The following CAMK4 variants were observed in gnomAD, a reference collection of about 807,000 sequenced individuals.
CAMK4 encodes the protein calcium/calmodulin-dependent protein kinase type IV.
A neutral mutation model predicts 44.9 loss-of-function variants in CAMK4; 22 were observed. The ratio of observed to expected loss-of-function variants is 0.49; its 90% CI spans 0.35 to 0.70. The LOEUF (loss-of-function observed/expected upper bound fraction) is 0.70, where lower values mean the gene tolerates loss of function less well. CAMK4 is among the 30% of genes least tolerant of loss of function. CAMK4 has a pLI of 0.01. For synonymous variants in CAMK4, 218 were observed against 215.4 expected (o/e 1.01, Z -0.11); for missense variants, 498 against 586.8 (o/e 0.85, Z 1.56).
intron 1 of CAMK4, among the ~76,000 whole-genome samples, chr5:111,313,945 AT>A (rs764859903): frequency 3.3e-5 from 5 of 152,084 alleles, no homozygotes; most frequent in Non-Finnish European, 5.9e-5. Context: ...TTTTGCAATA[AT>A]TTGTATGGGT....
chr5:111,287,836 A>G (rs1751301581), intron 1 of CAMK4, among the ~76,000 whole-genome samples: 1 of 152,214 alleles, frequency 6.6e-6, no homozygotes, highest in East Asian at 1.9e-4. Flanking sequence ...TGTATAAAAT[A>G]TAGATATGCT....
intron 5 of CAMK4, among the ~76,000 whole-genome samples, chr5:111,431,820 C>T (rs1055477840): frequency 3.3e-5 from 5 of 152,158 alleles, no homozygotes; most frequent in African/African-American, 9.7e-5. Context: ...GATATCATCT[C>T]ACCCAGTTAA....
intron 4 of CAMK4, among the ~76,000 whole-genome samples, chr5:111,390,043 T>C (rs1237763006): frequency 6.6e-6 from 1 of 152,222 alleles, no homozygotes; most frequent in African/African-American, 2.4e-5. Flanking sequence ...TAAATTTTTA[T>C]AAGTAGACCA....
At chr5:111,365,684 C>T (rs1024831590) in intron 2 of CAMK4, among the ~76,000 whole-genome samples, 1 of 151,936 alleles carries the variant, frequency 6.6e-6, no homozygotes, top group African/African-American at 2.4e-5. Context: ...ATCCTGCTTC[C>T]AGGTCTTGGG....
intron 5 of CAMK4, among the ~76,000 whole-genome samples, chr5:111,403,083 CAGAA>C (rs1305607411): frequency 6.6e-6 from 1 of 152,172 alleles, no homozygotes; most frequent in South Asian, 2.1e-4. Context: ...TTAAACATAA[CAGAA>C]AGAGCATACT....
At chr5:111,309,378 A>G (rs2112666026) in intron 1 of CAMK4, among the ~76,000 whole-genome samples, 1 of 152,180 alleles carries the variant, frequency 6.6e-6, no homozygotes, top group Non-Finnish European at 1.5e-5. Flanking sequence ...TGTGGTGGGA[A>G]CCTTTCAGGT....
chr5:111,351,567 G>A (rs544659133), intron 2 of CAMK4, among the ~76,000 whole-genome samples: 57 of 151,400 alleles, frequency 3.8e-4, no homozygotes, highest in Middle Eastern at 6.8e-3. Context: ...CACCACACCC[G>A]GCTAATTTTT....
intron 1 of CAMK4, among the ~76,000 whole-genome samples, chr5:111,320,115 T>A (rs913966110): frequency 2.0e-5 from 3 of 152,088 alleles, no homozygotes; most frequent in Non-Finnish European, 2.9e-5. Context: ...GGAGGTGATG[T>A]AAACAAAAAG....
At chr5:111,276,285 C>CTGGTTT (rs759416059) in intron 1 of CAMK4, among the ~76,000 whole-genome samples, 4 of 152,130 alleles carry the variant, frequency 2.6e-5, no homozygotes, top group Admixed American at 6.5e-5. Flanking sequence ...TTGGAGCACA[C>CTGGTTT]TGGTATTCAA....
chr5:111,225,533 G>C (rs1748148011), intron 1 of CAMK4, among the ~76,000 whole-genome samples: 1 of 152,002 alleles, frequency 6.6e-6, no homozygotes, highest in Non-Finnish European at 1.5e-5. Context: ...TTTAGATCCA[G>C]GCTCTTTAGT....
intron 7 of CAMK4, among the ~76,000 whole-genome samples, chr5:111,453,684 G>A (rs1261940538): frequency 6.6e-6 from 1 of 152,188 alleles, no homozygotes. Flanking sequence ...ATATCCTAGA[G>A]ACAGGAGGCA....
intron 1 of CAMK4, chr5:111,277,648 T>A (rs1750823322): frequency 6.6e-6 from 1 of 152,140 alleles, no homozygotes; most frequent in Non-Finnish European, 1.5e-5. Flanking sequence ...AAAAATAAAT[T>A]ATGAATTTTA....
intron 5 of CAMK4, among the ~76,000 whole-genome samples, chr5:111,418,749 A>G (rs1174257031): frequency 6.6e-6 from 1 of 152,106 alleles, no homozygotes; most frequent in Non-Finnish European, 1.5e-5. Flanking sequence ...AGTTTCATCC[A>G]TGTCCCTACA....
chr5:111,253,573 G>A lies in CAMK4; in HGVS notation c.161+28929G>A, dbSNP rs7704688. 8.5e-3 allele frequency among the ~76,000 whole-genome samples: 1,288 copies of A among 152,310 alleles called. 19 individuals are homozygous for A. Among genetic ancestry groups the A allele is most frequent in the African/African-American group, 0.03 (1,235 of 41,568 alleles). ...TATCAAAATAGCTGACAGCTTCCAT[G>A]TTGAGAAAAATGAAAGACAATTTTT... On this transcript the variant is annotated intron_variant, in intron 1 of 10. Coordinates refer to ENST00000282356, the MANE Select transcript of CAMK4 (RefSeq NM_001744.6).
Position 111,438,801 on chromosome 5 carries a change from A to C in CAMK4, c.460-7885A>C, listed in dbSNP as rs555955294. On this transcript the variant is annotated intron_variant, in intron 5 of 10. Coordinates refer to ENST00000282356, the MANE Select transcript of CAMK4 (RefSeq NM_001744.6). Reference sequence around the variant, plus strand: ...TGCCCAGCTCCCTTTTAAACTTTAAAGCAAAATTACAGACTGCAGTATTTT... The same window carrying C: ...TGCCCAGCTCCCTTTTAAACTTTAACGCAAAATTACAGACTGCAGTATTTT... Among the ~76,000 whole-genome samples, 49 of 152,362 alleles carry C rather than the reference A, an allele frequency of 3.2e-4. 1 individual carries two copies. The South Asian group carries it at 0.01, about 32-fold the overall frequency.
chr5:111,335,328 A>C (rs911503784), intron 1 of CAMK4, among the ~76,000 whole-genome samples: 1 of 151,400 alleles, frequency 6.6e-6, no homozygotes, highest in African/African-American at 2.4e-5. Context: ...AAATATTAAT[A>C]TGAACCCAGA....
At chr5:111,332,051 TCA>T (rs1283928563) in intron 1 of CAMK4, among the ~76,000 whole-genome samples, 1 of 151,644 alleles carries the variant, frequency 6.6e-6, no homozygotes, top group African/African-American at 2.4e-5. Flanking sequence ...TAAATATTGC[TCA>T]CACCCACACA....
chr5:111,479,909 C>T (rs968497425), intron 9 of CAMK4, among the ~76,000 whole-genome samples: 5 of 152,128 alleles, frequency 3.3e-5, no homozygotes, highest in African/African-American at 1.2e-4. Flanking sequence ...CCTATCTGAC[C>T]TCCCTGCCTC....
intron 1 of CAMK4, among the ~76,000 whole-genome samples, chr5:111,316,341 A>C (rs1405939916): frequency 6.6e-6 from 1 of 152,152 alleles, no homozygotes; most frequent in East Asian, 1.9e-4. Flanking sequence ...GTCCCACTTA[A>C]CTGTTCTCAA....
Sources: gnomAD v4.1 joint callset for allele counts (sites outside exome capture counted in the v4.1 genomes callset) on GRCh38, gnomAD v4.1.1 for gene constraint, MANE v1.5 for transcripts, NCBI Gene and HGNC (gene_info 2026-07-23, HGNC 2026-07-21) for gene names.